Variants in CD1A observed in about 807,000 individuals in gnomAD.
CD1A encodes the protein T-cell surface glycoprotein CD1a.
CD1A carries 50 observed loss-of-function variants against 38.3 expected under a neutral mutation model. That is an observed-to-expected ratio of 1.30 (90% CI 1.04 to 1.65). CD1A has a LOEUF of 1.65. CD1A is among the 40% of genes most tolerant of loss of function. The probability of loss-of-function intolerance (pLI) is 0.00; values close to 1 mark genes in which losing one functional copy is unlikely to be tolerated. For synonymous variants in CD1A, 160 were observed against 150.8 expected (o/e 1.06, Z -0.45); for missense variants, 459 against 406.1 (o/e 1.13, Z -1.12).
Position 158,257,202 on chromosome 1 carries a change from A to G in CD1A, c.883+138A>G, listed in dbSNP as rs113985561. 2.6e-3 allele frequency: 3,192 copies of G among 1,215,998 alleles called. 56 individuals carry two copies. The highest frequency in any genetic ancestry group is 0.023 in the African/African-American group (1,511 of 65,712). 75.3% of individuals were successfully genotyped at this position (1,215,998 alleles called of 1,614,324 possible). A position where few individuals can be genotyped will look rare whatever the true frequency, so the allele number is the denominator to read the frequency against. On this transcript the variant is annotated intron_variant, in intron 4 of 5. Coordinates refer to ENST00000289429, the MANE Select transcript of CD1A (RefSeq NM_001763.3). The stretch of plus-strand genomic sequence containing the variant: ...AAAATAGATAATCTAAGAAATGGAA[A>G]TGTTGAAAATGAGGGCCCTGTAGAT...
In CD1A at chr1:158,255,988, TA is replaced by T; in HGVS notation, c.326-15del. The stretch of plus-strand genomic sequence containing the variant: ...TATATTTTTTTCTCCCTCTTTCCTC[TA>T]TTTCATAACCCCAGATCCTTTTGAG... On this transcript the variant is annotated splice_polypyrimidine_tract_variant and intron_variant, in intron 2 of 5. Transcript: ENST00000289429. The T allele has an allele frequency of 6.3e-7, 1 of 1,598,942 alleles. No individual in the cohort carries two copies. The highest frequency in any genetic ancestry group is 1.1e-5 in the South Asian group (1 of 89,144).
chr1:158,252,126 G>C (rs921079130), upstream of CD1A, among the ~76,000 whole-genome samples: 4 of 144,606 alleles, frequency 2.8e-5, no homozygotes, highest in African/African-American at 1.0e-4. Flanking sequence ...ACCGCACCCG[G>C]CCACGGTTTT....
At position 158,256,194 on chromosome 1, in the gene CD1A, T is replaced by C. The variant is rs371927560; in HGVS notation, c.516T>C (p.Asn172=). Residue 172 remains asparagine (N), a synonymous_variant, in exon 3 of 6, where the codon AAT becomes AAC. Coordinates refer to ENST00000289429, the MANE Select transcript of CD1A (RefSeq NM_001763.3). The part of the protein sequence containing the change: ...CKVLNQNQHE[N]DITHNLLSDT... ...TGCTCAATCAGAATCAGCATGAAAA[T>C]GACATAACACACAATCTTCTCAGTG... 5 of 1,614,108 alleles carry C rather than the reference T, an allele frequency of 3.1e-6. No homozygotes were observed. In the East Asian group the frequency reaches 1.1e-4, roughly 36 times the overall value.
intron 2 of CD1A, among the ~76,000 whole-genome samples, chr1:158,255,787 C>G (rs982018833): frequency 1.3e-5 from 2 of 152,126 alleles, no homozygotes; most frequent in African/African-American, 4.8e-5. Context: ...ATTCACATCA[C>G]CTTCTTTGAC....
Position 158,257,945 on chromosome 1 carries a change from G to A in CD1A, c.*255G>A. 1 of 490,120 alleles carries A rather than the reference G, an allele frequency of 2.0e-6. No individual in the cohort carries two copies. The highest frequency in any genetic ancestry group is 2.7e-5 in the South Asian group (1 of 36,568). The allele number at this position is 490,120 out of a possible 1,614,324, so 30.4% of individuals were successfully genotyped here. A position where few individuals can be genotyped will look rare whatever the true frequency, so the allele number is the denominator to read the frequency against. On this transcript the variant is annotated 3_prime_UTR_variant, in exon 6 of 6. Coordinates refer to ENST00000289429, the MANE Select transcript of CD1A (RefSeq NM_001763.3). ...AAATTTTATCTCCAGATGGAATGGGGTCCTAGCAACCTCCACATGTTCAAC... is the reference window on the plus strand; with the variant it reads ...AAATTTTATCTCCAGATGGAATGGGATCCTAGCAACCTCCACATGTTCAAC...
At position 158,256,897 on chromosome 1, in the gene CD1A, G is replaced by A. The variant is rs781773699; in HGVS notation, c.716G>A (p.Arg239Gln). The A allele has an allele frequency of 7.4e-6, 12 of 1,614,092 alleles. No homozygotes were observed. The highest frequency in any genetic ancestry group is 5.3e-5 in the African/African-American group (4 of 74,946). ...AAGCCCGTGTGGGTGATGTGGATGC[G>A]GGGTGAGCAGGAGCAGCAGGGCACT... ...YPKPVWVMWM[R>Q]GEQEQQGTQR... The change falls in exon 4 of 6, where the codon CGG (arginine) becomes CAG (glutamine). Residue 239 changes from arginine (R) to glutamine (Q), a missense_variant. Physicochemically the swap from Arg to Gln is conservative, Grantham distance 43. Coordinates refer to ENST00000289429, the MANE Select transcript of CD1A (RefSeq NM_001763.3).
intron 4 of CD1A, 58 bp from the exon 5 acceptor site, chr1:158,257,363 G>T: frequency 7.9e-7 from 1 of 1,269,882 alleles, no homozygotes; most frequent in Non-Finnish European, 1.2e-6. Context: ...GAAATAGGGA[G>T]TGGATGAGGT....
chr1:158,253,394 C>T (rs1650137431), upstream of CD1A, among the ~76,000 whole-genome samples: 1 of 152,162 alleles, frequency 6.6e-6, no homozygotes, highest in Non-Finnish European at 1.5e-5. Context: ...TGACTAGTTT[C>T]TTATAAGTAA....
In CD1A at chr1:158,257,743, C is replaced by T. The variant is rs1650310114; in HGVS notation, c.*53C>T. ...TTCTCCTTTTGGGGTGAGAGACCAG[C>T]AGCCCAAGGGCTCCAGACACACCTG... On this transcript the variant is annotated 3_prime_UTR_variant, in exon 6 of 6. Transcript: ENST00000289429. 9.0e-6 allele frequency: 14 copies of T among 1,550,900 alleles called. No individual in the cohort carries two copies. The highest frequency in any genetic ancestry group is 1.1e-5 in the Non-Finnish European group (12 of 1,122,564).
chr1:158,254,269 G>A (rs16840041), upstream of CD1A: 74,453 of 1,087,480 alleles, frequency 0.068, 3,681 homozygotes, highest in East Asian at 0.36. Flanking sequence ...TGATCAAAAA[G>A]AGCAGGGACA....
At chr1:158,254,340 G>GA (rs80344811), upstream of CD1A, 86,200 of 1,181,820 alleles carry the variant, frequency 0.073, 4,801 homozygotes, top group East Asian at 0.35. Flanking sequence ...GTATGATTGA[G>GA]AAAAAAATGT....
rs2101633896 is a variant in CD1A at position 158,256,925 on chromosome 1, G to A, written c.744G>A (p.Gln248=). 1 of 1,614,226 alleles carries A rather than the reference G, an allele frequency of 6.2e-7. No homozygotes were observed. The highest frequency in any genetic ancestry group is 1.1e-5 in the South Asian group (1 of 91,090). ...GTGAGCAGGAGCAGCAGGGCACTCA[G>A]CGAGGGGACATCTTGCCCAGTGCTG... The part of the protein sequence containing the change: ...MRGEQEQQGT[Q]RGDILPSADG... Residue 248 remains glutamine, a synonymous_variant, in exon 4 of 6, where the codon CAG becomes CAA. Coordinates refer to ENST00000289429, the MANE Select transcript of CD1A (RefSeq NM_001763.3).
chr1:158,256,082 A>G lies in CD1A; in HGVS notation c.404A>G (p.Tyr135Cys). 6.2e-7 allele frequency: 1 copy of G among 1,614,188 alleles called. No individual in the cohort carries two copies. The highest frequency in any genetic ancestry group is 8.5e-7 in the Non-Finnish European group (1 of 1,180,022). The part of the protein sequence containing the change: ...KVSGSFLQLA[Y>C]QGSDFVSFQN... ...TCAGGAAGCTTCTTGCAGTTAGCTT[A>G]TCAAGGATCAGACTTTGTGAGCTTC... The change falls in exon 3 of 6, where the codon TAT (tyrosine) becomes TGT (cysteine). Residue 135 changes from tyrosine to cysteine, a missense_variant. Tyr to Cys is a radical substitution (Grantham distance 194). Coordinates refer to ENST00000289429, the MANE Select transcript of CD1A (RefSeq NM_001763.3).
chr1:158,257,359 G>A (rs1288674591), intron 4 of CD1A, 62 bp from the exon 5 acceptor site: 16 of 1,225,694 alleles, frequency 1.3e-5, no homozygotes, highest in Middle Eastern at 3.8e-4. Context: ...CAGTGAAATA[G>A]GGAGTGGATG....
In CD1A at chr1:158,255,092, G is replaced by A; in HGVS notation, c.67G>A (p.Glu23Lys). 6.2e-7 allele frequency: 1 copy of A among 1,613,874 alleles called. No homozygotes were observed. Among genetic ancestry groups the A allele is most frequent in the South Asian group, 1.1e-5 (1 of 91,062 alleles). ...CTGTTCTTTTGTCGCAGGGCTCAAG[G>A]AGCCTCTCTCCTTCCATGTCACCTG... ...PGDGNADGLK[E>K]PLSFHVTWIA... Residue 23 changes from glutamate (E) to lysine (K), a missense_variant, in exon 2 of 6, where the codon GAG becomes AAG. Transcript: ENST00000289429.
chr1:158,249,869 G>A (rs1194302935), upstream of CD1A, among the ~76,000 whole-genome samples: 5 of 152,186 alleles, frequency 3.3e-5, no homozygotes, highest in Admixed American at 2.0e-4. Flanking sequence ...TTGCTGGGAA[G>A]AGGAAGTCAG....
At position 158,256,142 on chromosome 1, in the gene CD1A, G is replaced by A. The variant is rs778006448; in HGVS notation, c.464G>A (p.Gly155Glu). Residue 155 changes from glycine to glutamate, a missense_variant, in exon 3 of 6, where the codon GGG becomes GAG. Physicochemically the swap from Gly to Glu is moderately conservative, Grantham distance 98. Transcript: ENST00000289429. ...TCATGGTTGCCATATCCAGTGGCTGGGAATATGGCCAAGCATTTCTGCAAA... is the reference window on the plus strand; with the variant it reads ...TCATGGTTGCCATATCCAGTGGCTGAGAATATGGCCAAGCATTTCTGCAAA... The part of the protein sequence containing the change: ...NNSWLPYPVA[G>E]NMAKHFCKVL... 12 of 1,613,944 alleles carry A rather than the reference G, an allele frequency of 7.4e-6. No individual in the cohort carries two copies. The highest frequency in any genetic ancestry group is 4.5e-5 in the East Asian group (2 of 44,890).
At position 158,257,768 on chromosome 1, in the gene CD1A, G is replaced by T; in HGVS notation, c.*78G>T. On this transcript the variant is annotated 3_prime_UTR_variant, in exon 6 of 6. Transcript: ENST00000289429. The stretch of plus-strand genomic sequence containing the variant: ...CAGCCCAAGGGCTCCAGACACACCT[G>T]AACACATCGTGATGATGACGTCCTC... 2.4e-6 allele frequency: 3 copies of T among 1,254,120 alleles called. No homozygotes were observed. Among genetic ancestry groups the T allele is most frequent in the Non-Finnish European group, 3.5e-6 (3 of 861,886 alleles). 77.7% of individuals were successfully genotyped at this position (1,254,120 alleles called of 1,614,324 possible).
At position 158,256,260 on chromosome 1, in the gene CD1A, A is replaced by G; in HGVS notation, c.582A>G (p.Gly194=). ...TCATCTTGGGTCTTCTTGATGCAGGAAAGGCACATCTCCAGCGGCAAGGTC... is the reference window on the plus strand; with the variant it reads ...TCATCTTGGGTCTTCTTGATGCAGGGAAGGCACATCTCCAGCGGCAAGGTC... ...PRFILGLLDA[G]KAHLQRQVKP... is the part of the protein sequence containing the mutation. The change falls in exon 3 of 6, where the codon GGA becomes GGG. Residue 194 remains glycine, a synonymous_variant. Transcript: ENST00000289429. 1.2e-6 allele frequency: 2 copies of G among 1,614,030 alleles called. No individual in the cohort carries two copies. Among genetic ancestry groups the G allele is most frequent in the East Asian group, 2.2e-5 (1 of 44,890 alleles).
Sources: gnomAD v4.1 joint callset for allele counts (sites outside exome capture counted in the v4.1 genomes callset) on GRCh38, gnomAD v4.1.1 for gene constraint, MANE v1.5 for transcripts, NCBI Gene and HGNC (gene_info 2026-07-23, HGNC 2026-07-21) for gene names.